The following GLB1L3 variants were observed in gnomAD, a reference collection of about 807,000 sequenced individuals.
The protein encoded by GLB1L3 is galactosidase beta 1 like 3.
Under a neutral mutation model 89.5 loss-of-function variants are expected in GLB1L3, and 89 were observed. That is an observed-to-expected ratio of 0.99 (90% CI 0.84 to 1.19). The LOEUF (loss-of-function observed/expected upper bound fraction) is 1.19, where lower values mean the gene tolerates loss of function less well. Ranked by LOEUF, GLB1L3 falls within the 50% of genes most tolerant of loss-of-function variation. The probability of loss-of-function intolerance (pLI) is 0.00; values close to 1 mark genes in which losing one functional copy is unlikely to be tolerated. For synonymous variants in GLB1L3, 314 were observed against 312.3 expected (o/e 1.01, Z -0.06); for missense variants, 812 against 813.3 (o/e 1.00, Z 0.02).
chr11:134,322,589 C>A (rs1160759989), downstream of GLB1L3, among the ~76,000 whole-genome samples: 1 of 152,102 alleles, frequency 6.6e-6, no homozygotes, highest in Non-Finnish European at 1.5e-5. Context: ...CCCTTTCCAC[C>A]CAGCCCCTGG....
chr11:134,286,234 TATAAAG>T (rs2136124603), intron 6 of GLB1L3, among the ~76,000 whole-genome samples: 1 of 152,140 alleles, frequency 6.6e-6, no homozygotes, highest in African/African-American at 2.4e-5. Flanking sequence ...TTAGGATAAT[TATAAAG>T]AGAAGAATCG....
chr11:134,299,978 C>G (rs1030673712), intron 9 of GLB1L3, among the ~76,000 whole-genome samples: 6 of 152,072 alleles, frequency 3.9e-5, no homozygotes, highest in African/African-American at 1.4e-4. Context: ...GGCTTTTGTT[C>G]CCTAGAGAAG....
chr11:134,315,852 G>A (rs1305164927), intron 18 of GLB1L3, among the ~76,000 whole-genome samples: 1 of 152,004 alleles, frequency 6.6e-6, no homozygotes, highest in Non-Finnish European at 1.5e-5. Flanking sequence ...TTTTTATAAT[G>A]TCTTGACATA....
chr11:134,310,799 G>C (rs747455593), intron 12 of GLB1L3, 148 bp downstream of exon 12: 13 of 655,078 alleles, frequency 2.0e-5, no homozygotes, highest in Non-Finnish European at 3.2e-5. Context: ...TCGAACCCTG[G>C]GGTTAAAATC....
chr11:134,315,272 A>G lies in GLB1L3; in HGVS notation c.1779+831A>G, dbSNP rs536789816. 9.8e-4 allele frequency among the ~76,000 whole-genome samples: 149 copies of G among 152,270 alleles called. 2 individuals carry two copies. Among genetic ancestry groups the G allele is most frequent in the South Asian group, 9.6e-3 (46 of 4,814 alleles). ...TTTGGATTATATCTAGGGCTTGTCT[A>G]TGGTAAATAATTAAGACTTCGTTTG... is the stretch of plus-strand genomic sequence containing the variant. On this transcript the variant is annotated intron_variant, in intron 18 of 19. Coordinates refer to ENST00000431683, the MANE Select transcript of GLB1L3 (RefSeq NM_001080407.3).
At chr11:134,282,163 ATTTGCTTT>A in intron 5 of GLB1L3, 43 bp downstream of exon 5, 1 of 1,510,886 alleles carries the variant, frequency 6.6e-7, no homozygotes, top group Admixed American at 2.3e-5. Context: ...CTAGTGAAGT[ATTTGCTTT>A]AAAAAAAGTG....
intron 18 of GLB1L3, among the ~76,000 whole-genome samples, chr11:134,316,554 T>C (rs1942987713): frequency 6.6e-6 from 1 of 152,164 alleles, no homozygotes; most frequent in Non-Finnish European, 1.5e-5. Context: ...AACAAACAGC[T>C]GATACTAAAG....
chr11:134,312,479 A>G lies in GLB1L3; in HGVS notation c.1418A>G (p.Asp473Gly), dbSNP rs779332459. The G allele has an allele frequency of 4.2e-5, 68 of 1,612,472 alleles. 1 individual carries two copies. The highest frequency in any genetic ancestry group is 5.7e-5 in the Non-Finnish European group (67 of 1,179,876). Reference protein sequence around the residue: ...SGGRLRAHAHDVAQVFLDETM... With the variant: ...SGGRLRAHAHGVAQVFLDETM... Reference sequence around the variant, plus strand: ...GGCCGCCTCCGTGCCCACGCTCATGACGTGGCACAGGTAGGGCCAGCAGGC... The same window carrying G: ...GGCCGCCTCCGTGCCCACGCTCATGGCGTGGCACAGGTAGGGCCAGCAGGC... The change falls in exon 14 of 20, where the codon GAC becomes GGC. Residue 473 changes from aspartate to glycine, a missense_variant. By Grantham distance (94) the Asp-to-Gly change is moderately conservative. Coordinates refer to ENST00000431683, the MANE Select transcript of GLB1L3 (RefSeq NM_001080407.3).
chr11:134,293,038 C>T (rs1941443908), intron 8 of GLB1L3, 107 bp from the exon 9 acceptor site: 2 of 850,776 alleles, frequency 2.4e-6, no homozygotes, highest in Non-Finnish European at 4.0e-6. Context: ...ATCCTCACTG[C>T]TGAGCATGGG....
rs572936407 is a variant in GLB1L3, at chr11:134,301,037, G to A, written c.877-6087G>A. Among the ~76,000 whole-genome samples the A allele has an allele frequency of 1.8e-4, 27 of 152,310 alleles. No individual in the cohort carries two copies. In the South Asian group the frequency reaches 3.9e-3, roughly 22 times the overall value. The stretch of plus-strand genomic sequence containing the variant: ...AGCATCAGGGTGTCAGCCGCCATCC[G>A]TCTCGGCTCCCTTGACTTCAGACTC... On this transcript the variant is annotated intron_variant, in intron 9 of 19. Transcript: ENST00000431683.
chr11:134,310,886 C>A lies in GLB1L3; in HGVS notation c.1181-178C>A, dbSNP rs1345491489. Reference sequence around the variant, plus strand: ...CTTCACTGAAGCATAAAGATAGTAACCTTGGTCTCCTGTGATGACTGCGAA... The same window carrying A: ...CTTCACTGAAGCATAAAGATAGTAAACTTGGTCTCCTGTGATGACTGCGAA... On this transcript the variant is annotated intron_variant, in intron 12 of 19. Transcript: ENST00000431683. The A allele has an allele frequency of 1.9e-5, 12 of 632,620 alleles. 1 individual carries two copies. The East Asian group carries it at 2.9e-4, about 15-fold the overall frequency. 39.2% of individuals were successfully genotyped at this position (632,620 alleles called of 1,614,324 possible). A position where few individuals can be genotyped will look rare whatever the true frequency, so the allele number is the denominator to read the frequency against.
chr11:134,313,510 G>A lies in GLB1L3; in HGVS notation c.1579+36G>A, dbSNP rs1489609785. ...GCTGTGGCTTCTCCTCAGTTGCTCA[G>A]AACCGAAGACCCGGGCTATGCACTG... On this transcript the variant is annotated intron_variant, in intron 16 of 19. Coordinates refer to ENST00000431683, the MANE Select transcript of GLB1L3 (RefSeq NM_001080407.3). 3.8e-6 allele frequency: 5 copies of A among 1,310,900 alleles called. No homozygotes were observed. In the African/African-American group the frequency reaches 7.4e-5, roughly 19 times the overall value. The allele number at this position is 1,310,900 out of a possible 1,614,324, so 81.2% of individuals were successfully genotyped here.
intron 13 of GLB1L3, 28 bp from the exon 14 acceptor site, chr11:134,312,321 C>T (rs1487388269): frequency 1.2e-6 from 2 of 1,610,758 alleles, no homozygotes; most frequent in South Asian, 1.1e-5. Context: ...AGCCCTTGGA[C>T]TTCTGCTCTT....
At chr11:134,299,141 T>C (rs536600427) in intron 9 of GLB1L3, among the ~76,000 whole-genome samples, 3 of 152,262 alleles carry the variant, frequency 2.0e-5, no homozygotes, top group East Asian at 1.9e-4. Context: ...ATGTTTTTGA[T>C]TTCTAGTATT....
chr11:134,306,613 G>C (rs1371474826), intron 9 of GLB1L3, among the ~76,000 whole-genome samples: 1 of 152,184 alleles, frequency 6.6e-6, no homozygotes, highest in Non-Finnish European at 1.5e-5. Context: ...CCCAGAAGAA[G>C]CTCAGCTATG....
intron 6 of GLB1L3, chr11:134,287,403 G>C (rs1941078179): frequency 6.6e-6 from 1 of 152,156 alleles, no homozygotes; most frequent in Non-Finnish European, 1.5e-5. Context: ...AGTATTTTAA[G>C]GTCCCTTTAC....
chr11:134,321,861 A>G (rs901009750), downstream of GLB1L3, among the ~76,000 whole-genome samples: 3 of 152,064 alleles, frequency 2.0e-5, no homozygotes, highest in East Asian at 1.9e-4. Flanking sequence ...TGGCACATGT[A>G]TACATATGTA....
At chr11:134,283,989 C>G (rs544708872) in intron 6 of GLB1L3, 144 bp downstream of exon 6, 6 of 628,328 alleles carry the variant, frequency 9.5e-6, no homozygotes, top group African/African-American at 9.2e-5. Context: ...GGACCCTTGG[C>G]TTGAGGACAG....
chr11:134,308,643 T>TCACCACCACCAC (rs1942549475), intron 10 of GLB1L3, among the ~76,000 whole-genome samples: 3 of 94,728 alleles, frequency 3.2e-5, no homozygotes, highest in African/African-American at 8.1e-5. Flanking sequence ...ATCAACACCA[T>TCACCACCACCAC]CACCACCATC....
Sources: gnomAD v4.1 joint callset for allele counts (sites outside exome capture counted in the v4.1 genomes callset) on GRCh38, gnomAD v4.1.1 for gene constraint, MANE v1.5 for transcripts, NCBI Gene and HGNC (gene_info 2026-07-23, HGNC 2026-07-21) for gene names.